Variants in ANKS3 observed in about 807,000 individuals in gnomAD.
The protein encoded by ANKS3 is ankyrin repeat and sterile alpha motif domain containing 3.
In ANKS3, 62 loss-of-function variants were observed where a neutral mutation model predicts 80.7. The observed-to-expected ratio is 0.77, with a 90% CI of 0.63 to 0.95. The LOEUF is 0.95. ANKS3 is among the 40% of genes least tolerant of loss of function. The probability of loss-of-function intolerance (pLI) is 0.00; values close to 1 mark genes in which losing one functional copy is unlikely to be tolerated. For missense variants in ANKS3, 1,150 were observed against 883.6 expected, an observed-to-expected ratio of 1.30 and a Z score of -3.82; for synonymous variants, 489 against 355.3, an observed-to-expected ratio of 1.38 and a Z score of -4.23.
At chr16:4,730,808 C>T (rs370682618) in intron 2 of ANKS3, among the ~76,000 whole-genome samples, 5 of 151,910 alleles carry the variant, frequency 3.3e-5, no homozygotes, top group African/African-American at 7.3e-5. Context: ...GCCAAGATCA[C>T]GCCATTGCAC....
chr16:4,715,086 A>C (rs1008024735), intron 6 of ANKS3, among the ~76,000 whole-genome samples: 1 of 151,832 alleles, frequency 6.6e-6, no homozygotes, highest in African/African-American at 2.4e-5. Context: ...CAGGGGGATA[A>C]GCAGTCAGTT....
rs200161297 is a variant in ANKS3 at position 4,699,134 on chromosome 16, G to A, written c.1327C>T (p.Leu443=). 74 of 1,614,032 alleles carry A rather than the reference G, an allele frequency of 4.6e-5. No individual in the cohort carries two copies. The highest frequency in any genetic ancestry group is 5.8e-5 in the Non-Finnish European group (68 of 1,180,048). The change falls in exon 12 of 18, where the codon CTG becomes TTG. Residue 443 remains leucine, a synonymous_variant. Coordinates refer to ENST00000304283, the MANE Select transcript of ANKS3 (RefSeq NM_133450.4). ...LLEQIGCLKY[L]QVFEEQDVDL... ...ACGTCCTGCTCCTCAAACACCTGCA[G>A]GTACTTCAGACACCCGATCTGCTCC...
rs138068446 is a variant in ANKS3 at position 4,701,513 on chromosome 16, G to A, written c.1040C>T (p.Pro347Leu). Residue 347 changes from proline (P) to leucine (L), a missense_variant, in exon 10 of 18, where the codon CCC becomes CTC. Pro to Leu is a moderately conservative substitution (Grantham distance 98). Transcript: ENST00000304283. ...EEHAFCANLG[P>L]VQSSSSSEGL... ...CTCGCTGCTGCTGCTGCTCTGGACGGGCCCCAGGTTGGCACAGAAAGCATG... is the reference window on the plus strand; with the variant it reads ...CTCGCTGCTGCTGCTGCTCTGGACGAGCCCCAGGTTGGCACAGAAAGCATG... The A allele has an allele frequency of 2.5e-4, 400 of 1,611,400 alleles. 1 individual carries two copies. The highest frequency in any genetic ancestry group is 3.0e-4 in the Non-Finnish European group (351 of 1,178,748).
At chr16:4,714,284 T>C in intron 6 of ANKS3, 98 bp from the exon 7 acceptor site, 1 of 1,503,118 alleles carries the variant, frequency 6.7e-7, no homozygotes, top group African/African-American at 1.4e-5. Context: ...TATGCTGGTT[T>C]CTGACTGCCT....
At chr16:4,716,278 T>C (rs2080788638) in intron 6 of ANKS3, among the ~76,000 whole-genome samples, 1 of 150,528 alleles carries the variant, frequency 6.6e-6, no homozygotes, top group Non-Finnish European at 1.5e-5. Flanking sequence ...GGAGAATCGC[T>C]TGAACCCAGG....
intron 6 of ANKS3, among the ~76,000 whole-genome samples, chr16:4,715,217 G>C (rs868247070): frequency 6.6e-6 from 1 of 151,994 alleles, no homozygotes; most frequent in Non-Finnish European, 1.5e-5. Flanking sequence ...AAGGCAGGTG[G>C]ATCGCTCGGC....
At chr16:4,698,352 A>G in intron 14 of ANKS3, 75 bp downstream of exon 14, 1 of 1,428,264 alleles carries the variant, frequency 7.0e-7, no homozygotes, top group Non-Finnish European at 9.1e-7. Flanking sequence ...ATCAGGAGGA[A>G]AGGATGTGTG....
At chr16:4,714,291 G>A (rs1444956837) in intron 6 of ANKS3, 105 bp from the exon 7 acceptor site, 2 of 1,476,886 alleles carry the variant, frequency 1.4e-6, no homozygotes, top group Non-Finnish European at 9.2e-7. Flanking sequence ...GTTTCTGACT[G>A]CCTCCCTGTG....
Position 4,697,461 on chromosome 16 carries a change from C to T in ANKS3, c.1811-45G>A, listed in dbSNP as rs776033276. The T allele has an allele frequency of 1.0e-5, 15 of 1,450,082 alleles. No homozygotes were observed. In the South Asian group the frequency reaches 1.5e-4, roughly 14 times the overall value. 89.8% of individuals were successfully genotyped at this position (1,450,082 alleles called of 1,614,324 possible). On this transcript the variant is annotated intron_variant, in intron 15 of 17. Coordinates refer to ENST00000304283, the MANE Select transcript of ANKS3 (RefSeq NM_133450.4). Reference sequence around the variant, plus strand: ...ACCGAGTTAGCTGGGGGTCTGCGTCCCCACAGGCCCTGCTTTATTCTGAGC... The same window carrying T: ...ACCGAGTTAGCTGGGGGTCTGCGTCTCCACAGGCCCTGCTTTATTCTGAGC...
chr16:4,722,187 T>G (rs965039771), intron 6 of ANKS3, among the ~76,000 whole-genome samples: 1 of 151,408 alleles, frequency 6.6e-6, no homozygotes, highest in African/African-American at 2.4e-5. Flanking sequence ...AGATACCATG[T>G]GAATTTTTCA....
chr16:4,723,331 T>C (rs1425273912), intron 6 of ANKS3, among the ~76,000 whole-genome samples: 1 of 152,254 alleles, frequency 6.6e-6, no homozygotes, highest in African/African-American at 2.4e-5. Context: ...ATTTTCTGTC[T>C]ATGTATTTGC....
intron 1 of ANKS3, among the ~76,000 whole-genome samples, chr16:4,732,165 G>C (rs1286178927): frequency 6.6e-6 from 1 of 151,996 alleles, no homozygotes; most frequent in African/African-American, 2.4e-5. Flanking sequence ...CTCCTTCCTG[G>C]AGCCACCACC....
At chr16:4,697,634 A>G (rs545636154) in intron 15 of ANKS3, among the ~76,000 whole-genome samples, 94 of 152,298 alleles carry the variant, frequency 6.2e-4, no homozygotes, top group African/African-American at 2.2e-3. Context: ...GGTCAGCCCG[A>G]GAGAAGGCAA....
At chr16:4,718,066 T>C (rs2080895292) in intron 6 of ANKS3, among the ~76,000 whole-genome samples, 1 of 150,992 alleles carries the variant, frequency 6.6e-6, no homozygotes, top group Non-Finnish European at 1.5e-5. Context: ...TGAGCCACCA[T>C]GCCTGGCCAA....
intron 8 of ANKS3, among the ~76,000 whole-genome samples, chr16:4,704,086 G>A (rs1227159575): frequency 6.6e-6 from 1 of 152,164 alleles, no homozygotes; most frequent in African/African-American, 2.4e-5. Context: ...GGACACGGGC[G>A]GGCCCTCATG....
At chr16:4,722,678 G>C (rs1406857863) in intron 6 of ANKS3, among the ~76,000 whole-genome samples, 1 of 151,996 alleles carries the variant, frequency 6.6e-6, no homozygotes, top group Non-Finnish European at 1.5e-5. Flanking sequence ...AGCACTTTGG[G>C]AGGCTAAGGT....
intron 1 of ANKS3, among the ~76,000 whole-genome samples, chr16:4,731,921 C>T (rs983520772): frequency 2.0e-5 from 3 of 152,106 alleles, no homozygotes; most frequent in Non-Finnish European, 4.4e-5. Context: ...TGCCAGGAAA[C>T]AAGGGTAGGA....
intron 6 of ANKS3, among the ~76,000 whole-genome samples, chr16:4,717,850 C>A (rs1011457931): frequency 6.6e-6 from 1 of 151,836 alleles, no homozygotes; most frequent in African/African-American, 2.4e-5. Flanking sequence ...GGCTGGAGTG[C>A]AATGGCGCAA....
intron 6 of ANKS3, among the ~76,000 whole-genome samples, chr16:4,722,985 G>A (rs2081180655): frequency 6.6e-6 from 1 of 151,318 alleles, no homozygotes; most frequent in African/African-American, 2.4e-5. Flanking sequence ...AAACTAAAAT[G>A]AGACGCTACA....
Sources: allele counts gnomAD v4.1 joint callset (sites outside exome capture counted in the v4.1 genomes callset), GRCh38; gene constraint gnomAD v4.1.1; transcripts MANE v1.5; gene names NCBI Gene and HGNC (gene_info 2026-07-23, HGNC 2026-07-21).